UGGT2: variants seen among roughly 807,000 people sequenced by gnomAD.
UGGT2 encodes the protein UDP-glucose:glycoprotein glucosyltransferase 2.
A neutral mutation model predicts 192.1 loss-of-function variants in UGGT2; 180 were observed. The ratio of observed to expected loss-of-function variants is 0.94; its 90% CI spans 0.83 to 1.06. The LOEUF (loss-of-function observed/expected upper bound fraction) is 1.06, where lower values mean the gene tolerates loss of function less well. Ranked by LOEUF, UGGT2 falls within the 50% of genes least tolerant of loss-of-function variation. The pLI, the probability that UGGT2 is intolerant of heterozygous loss-of-function variation, is 0.00. For missense variants in UGGT2, 1,849 were observed against 1,795.7 expected, an observed-to-expected ratio of 1.03 and a Z score of -0.54; for synonymous variants, 580 against 591.0, an observed-to-expected ratio of 0.98 and a Z score of 0.27.
intron 2 of UGGT2, among the ~76,000 whole-genome samples, chr13:96,026,861 CG>C (rs775780065): frequency 6.6e-6 from 1 of 151,734 alleles, no homozygotes; most frequent in Non-Finnish European, 1.5e-5. Flanking sequence ...TTAGTAGAGA[CG>C]GGGTTTCACC....
At chr13:95,901,055 T>C in intron 21 of UGGT2, 117 bp from the exon 22 acceptor site, 1 of 762,780 alleles carries the variant, frequency 1.3e-6, no homozygotes, top group Non-Finnish European at 1.8e-6. Context: ...AAAATCATTA[T>C]TTGGTATAAT....
chr13:95,998,760 G>A (rs2051704186), intron 6 of UGGT2, among the ~76,000 whole-genome samples: 1 of 151,604 alleles, frequency 6.6e-6, no homozygotes. Flanking sequence ...CAATTCATAG[G>A]ACTCTCTCAT....
At chr13:96,005,199 G>A (rs1447481157) in intron 5 of UGGT2, among the ~76,000 whole-genome samples, 3 of 151,984 alleles carry the variant, frequency 2.0e-5, no homozygotes, top group East Asian at 3.8e-4. Flanking sequence ...CAGAAGGAAC[G>A]AGAATGATAA....
At chr13:95,836,299 C>G (rs1887281237) in intron 37 of UGGT2, among the ~76,000 whole-genome samples, 1 of 152,230 alleles carries the variant, frequency 6.6e-6, no homozygotes, top group South Asian at 2.1e-4. Context: ...ATCCACCTGC[C>G]TCGGCCTCTT....
At chr13:95,879,505 G>A (rs1286809101) in intron 27 of UGGT2, among the ~76,000 whole-genome samples, 2 of 152,114 alleles carry the variant, frequency 1.3e-5, no homozygotes, top group Non-Finnish European at 2.9e-5. Flanking sequence ...GCACGATCTC[G>A]GCTCACTGCA....
At position 96,053,353 on chromosome 13, in the gene UGGT2, C is replaced by G. The variant is rs113116579; in HGVS notation, c.-41G>C. 3.9e-6 allele frequency: 6 copies of G among 1,558,274 alleles called. No individual in the cohort carries two copies. The highest frequency in any genetic ancestry group is 5.2e-6 in the Non-Finnish European group (6 of 1,164,922). The stretch of plus-strand genomic sequence containing the variant: ...GCGCGAGTCCCTCGGACCCGGTACC[C>G]ACAGTCTGTGGCCGCCACGCTTCGG... On this transcript the variant is annotated 5_prime_UTR_variant, in exon 1 of 39. Coordinates refer to ENST00000376747, the MANE Select transcript of UGGT2 (RefSeq NM_020121.4).
At chr13:95,994,753 G>A (rs2051564948) in intron 7 of UGGT2, among the ~76,000 whole-genome samples, 1 of 151,946 alleles carries the variant, frequency 6.6e-6, no homozygotes, top group African/African-American at 2.4e-5. Context: ...TAATTTGTAT[G>A]GTGATAGCAC....
At chr13:96,030,644 A>C (rs1334814302) in intron 2 of UGGT2, among the ~76,000 whole-genome samples, 3 of 152,216 alleles carry the variant, frequency 2.0e-5, no homozygotes, top group Admixed American at 6.5e-5. Context: ...CTCAGGAACA[A>C]AATAATAAAC....
At chr13:95,898,805 C>T (rs2140273506) in intron 22 of UGGT2, among the ~76,000 whole-genome samples, 1 of 152,298 alleles carries the variant, frequency 6.6e-6, no homozygotes, top group African/African-American at 2.4e-5. Flanking sequence ...CAAGAAAGCT[C>T]CCATCAGATG....
chr13:95,858,187 A>G (rs1300797298), intron 33 of UGGT2, among the ~76,000 whole-genome samples: 1 of 151,920 alleles, frequency 6.6e-6, no homozygotes, highest in East Asian at 1.9e-4. Context: ...TGCTCAAAGA[A>G]AAGTATGGCC....
intron 21 of UGGT2, among the ~76,000 whole-genome samples, chr13:95,902,039 T>C (rs991894697): frequency 5.3e-5 from 8 of 152,294 alleles, no homozygotes; most frequent in Middle Eastern, 3.4e-3. Context: ...TCATATTCAC[T>C]GGTCCAAACC....
rs565806818 is a variant in UGGT2 at position 95,828,712 on chromosome 13, G to A, written c.4528+4215C>T. ...ACCAAAAAAAACTCCAGGACCAGACGGATTCACAGTCCTATTCTACCAGAG... is the reference window on the plus strand; with the variant it reads ...ACCAAAAAAAACTCCAGGACCAGACAGATTCACAGTCCTATTCTACCAGAG... On this transcript the variant is annotated intron_variant, in intron 38 of 38. Coordinates refer to ENST00000376747, the MANE Select transcript of UGGT2 (RefSeq NM_020121.4). 3.3e-5 allele frequency among the ~76,000 whole-genome samples: 5 copies of A among 152,138 alleles called. No individual in the cohort carries two copies. In the East Asian group the frequency reaches 7.7e-4, roughly 24 times the overall value.
At chr13:95,882,278 G>C (rs936982571) in intron 27 of UGGT2, among the ~76,000 whole-genome samples, 3 of 152,154 alleles carry the variant, frequency 2.0e-5, no homozygotes, top group Non-Finnish European at 4.4e-5. Flanking sequence ...TGTCAATGTA[G>C]TGACAATCAT....
intron 17 of UGGT2, among the ~76,000 whole-genome samples, chr13:95,929,293 G>T (rs537525951): frequency 6.6e-6 from 1 of 152,290 alleles, no homozygotes; most frequent in African/African-American, 2.4e-5. Flanking sequence ...TATTTTTAAA[G>T]AATTTCAGCT....
In UGGT2 at chr13:95,986,384, T is replaced by C. The variant is rs2051289743; in HGVS notation, c.980A>G (p.Asp327Gly). 1.9e-6 allele frequency: 3 copies of C among 1,603,308 alleles called. No individual in the cohort carries two copies. The highest frequency in any genetic ancestry group is 2.6e-6 in the Non-Finnish European group (3 of 1,173,108). ...ASQIMSAPVY[D>G]SIKLMKDISQ... ...AATGTCTTTCATTAATTTAATGGAA[T>C]CATAAACTGGAGCGGACATTATTTG... The change falls in exon 9 of 39, where the codon GAT becomes GGT. Residue 327 changes from aspartate to glycine, a missense_variant. Asp to Gly is a moderately conservative substitution (Grantham distance 94). Transcript: ENST00000376747.
At chr13:96,010,287 C>T (rs991208310) in intron 5 of UGGT2, among the ~76,000 whole-genome samples, 1 of 152,074 alleles carries the variant, frequency 6.6e-6, no homozygotes, top group African/African-American at 2.4e-5. Context: ...ACATATACAC[C>T]ACGAAATACT....
chr13:95,955,775 A>C (rs1011915684), intron 12 of UGGT2, among the ~76,000 whole-genome samples: 2 of 152,172 alleles, frequency 1.3e-5, no homozygotes, highest in African/African-American at 4.8e-5. Flanking sequence ...TTTTTTGTGC[A>C]TACTTCTTCA....
chr13:95,989,925 C>A (rs1342625563), intron 8 of UGGT2, 48 bp downstream of exon 8: 3 of 1,293,346 alleles, frequency 2.3e-6, no homozygotes, highest in African/African-American at 3.0e-5. Flanking sequence ...TTTAACAAAA[C>A]AGATCAGTTA....
At chr13:95,929,637 G>A (rs1423579614) in intron 17 of UGGT2, among the ~76,000 whole-genome samples, 1 of 152,162 alleles carries the variant, frequency 6.6e-6, no homozygotes, top group Non-Finnish European at 1.5e-5. Flanking sequence ...TTTAATGGGT[G>A]CGTAGTATTC....
Sources: allele counts gnomAD v4.1 joint callset (sites outside exome capture counted in the v4.1 genomes callset), GRCh38; gene constraint gnomAD v4.1.1; transcripts MANE v1.5; gene names NCBI Gene and HGNC (gene_info 2026-07-23, HGNC 2026-07-21).